Variants in FAT3 observed in about 807,000 individuals in gnomAD.
FAT3 encodes the protein protocadherin Fat 3.
FAT3 carries 95 observed loss-of-function variants against 310.2 expected under a neutral mutation model. The ratio of observed to expected loss-of-function variants is 0.31; its 90% CI spans 0.26 to 0.36. The LOEUF (loss-of-function observed/expected upper bound fraction) is 0.36, where lower values mean the gene tolerates loss of function less well. Ranked by LOEUF, FAT3 falls within the 10% of genes least tolerant of loss-of-function variation. FAT3 has a pLI of 1.00. For missense variants in FAT3, 5,408 were observed against 5,715.6 expected (o/e 0.95, Z 1.74); for synonymous variants, 2,314 against 2,192.9 (o/e 1.06, Z -1.54).
Position 92,355,326 on chromosome 11 carries a change from T to C in FAT3, c.3214T>C (p.Ser1072Pro), listed in dbSNP as rs1948701608. 1 of 1,613,716 alleles carries C rather than the reference T, an allele frequency of 6.2e-7. No homozygotes were observed. Among genetic ancestry groups the C allele is most frequent in the Non-Finnish European group, 8.5e-7 (1 of 1,179,818 alleles). The change falls in exon 2 of 28, where the codon TCC becomes CCC. Residue 1072 changes from serine (S) to proline (P), a missense_variant. By Grantham distance (74) the Ser-to-Pro change is moderately conservative (BLOSUM62 -1). This residue lies in a region of FAT3 where 4,588 missense variants were observed against 4,809.8 expected (regional missense o/e 0.95). Coordinates refer to ENST00000525166, the MANE Select transcript of FAT3 (RefSeq NM_001367949.2). ...VLQVTARDED[S>P]GRDGEIQYSI... ...GCAGGTGACTGCTCGAGATGAAGAC[T>C]CCGGAAGGGATGGAGAGATCCAGTA...
chr11:92,776,158 C>T (rs1946592827), intron 7 of FAT3, among the ~76,000 whole-genome samples: 1 of 152,122 alleles, frequency 6.6e-6, no homozygotes, highest in Non-Finnish European at 1.5e-5. Context: ...TATTCATTTC[C>T]AGACTTTTCT....
chr11:92,371,460 T>C (rs1422246559), intron 2 of FAT3, among the ~76,000 whole-genome samples: 1 of 152,210 alleles, frequency 6.6e-6, no homozygotes, highest in East Asian at 1.9e-4. Flanking sequence ...CTTATGCCTA[T>C]AATCCCAGCA....
At chr11:92,881,023 G>A (rs1250635975) in intron 23 of FAT3, 139 bp downstream of exon 23, 2 of 863,970 alleles carry the variant, frequency 2.3e-6, no homozygotes, top group Non-Finnish European at 3.5e-6. Context: ...CGTATAAGGA[G>A]TGCTTACAGG....
In FAT3 at chr11:92,352,400, A is replaced by G; in HGVS notation, c.288A>G (p.Glu96=). Residue 96 remains glutamate (E), a synonymous_variant, in exon 2 of 28, where the codon GAA becomes GAG. Transcript: ENST00000525166. ...GDEEGFFKAE[E]VIIADFCFLR... is the part of the protein sequence containing the mutation. ...AGGAAGGCTTTTTCAAAGCAGAGGA[A>G]GTCATCATTGCAGATTTCTGTTTTC... is the stretch of plus-strand genomic sequence containing the variant. 3 of 1,611,214 alleles carry G rather than the reference A, an allele frequency of 1.9e-6. No individual in the cohort carries two copies. Among genetic ancestry groups the G allele is most frequent in the South Asian group, 2.2e-5 (2 of 90,222 alleles).
At chr11:92,317,594 C>G (rs886949403) in intron 1 of FAT3, among the ~76,000 whole-genome samples, 4 of 152,182 alleles carry the variant, frequency 2.6e-5, no homozygotes, top group Admixed American at 2.0e-4. Context: ...TTGCAGGTAT[C>G]TATGGCTTTT....
intron 3 of FAT3, among the ~76,000 whole-genome samples, chr11:92,565,998 A>C (rs933007690): frequency 2.6e-5 from 4 of 152,172 alleles, no homozygotes; most frequent in African/African-American, 9.7e-5. Context: ...GCCCTCTCTC[A>C]CCACTCCTAT....
intron 2 of FAT3, among the ~76,000 whole-genome samples, chr11:92,417,461 A>G (rs189259005): frequency 7.9e-4 from 121 of 152,358 alleles, no homozygotes; most frequent in African/African-American, 2.8e-3. Flanking sequence ...TAAACCAATA[A>G]ATACAAAGTA....
chr11:92,456,989 G>A (rs1951509571), intron 2 of FAT3, among the ~76,000 whole-genome samples: 1 of 152,184 alleles, frequency 6.6e-6, no homozygotes, highest in Admixed American at 6.5e-5. Context: ...CACTTCTGGA[G>A]CAGGAGAGGA....
chr11:92,657,725 G>A (rs1296674050), intron 3 of FAT3, among the ~76,000 whole-genome samples: 1 of 152,198 alleles, frequency 6.6e-6, no homozygotes, highest in Non-Finnish European at 1.5e-5. Flanking sequence ...CCAGATTCAG[G>A]AAGACCTCAG....
chr11:92,718,734 A>T (rs1165121500), intron 4 of FAT3, among the ~76,000 whole-genome samples: 1 of 152,190 alleles, frequency 6.6e-6, no homozygotes, highest in East Asian at 1.9e-4. Context: ...AGTGTTTGGT[A>T]CATAGAAAGT....
chr11:92,830,292 C>T (rs933928824), intron 13 of FAT3, among the ~76,000 whole-genome samples: 2 of 152,164 alleles, frequency 1.3e-5, no homozygotes, highest in African/African-American at 4.8e-5. Flanking sequence ...GAAGTCAATC[C>T]AACCGTTATT....
intron 2 of FAT3, among the ~76,000 whole-genome samples, chr11:92,501,759 C>T (rs1952946669): frequency 6.6e-6 from 1 of 152,020 alleles, no homozygotes; most frequent in Admixed American, 6.6e-5. Flanking sequence ...GCCTTTGAAC[C>T]TGTACTTCAG....
At chr11:92,442,227 C>T (rs1393790499) in intron 2 of FAT3, among the ~76,000 whole-genome samples, 2 of 145,288 alleles carry the variant, frequency 1.4e-5, no homozygotes, top group African/African-American at 2.5e-5. Context: ...CATTTCCCTG[C>T]CTCAGCCTCC....
chr11:92,573,082 G>A (rs779102322), intron 3 of FAT3, among the ~76,000 whole-genome samples: 4 of 152,098 alleles, frequency 2.6e-5, no homozygotes, highest in Non-Finnish European at 5.9e-5. Flanking sequence ...AACTTCAACT[G>A]TGTTAATTTA....
intron 1 of FAT3, among the ~76,000 whole-genome samples, chr11:92,341,032 C>T (rs1274496747): frequency 6.6e-6 from 1 of 152,136 alleles, no homozygotes; most frequent in Non-Finnish European, 1.5e-5. Flanking sequence ...CTCAGGCCAA[C>T]TCTGAAGGGC....
At chr11:92,869,552 C>A (rs1189555083) in intron 22 of FAT3, among the ~76,000 whole-genome samples, 1 of 152,186 alleles carries the variant, frequency 6.6e-6, no homozygotes, top group East Asian at 1.9e-4. Flanking sequence ...AAAGAGAACC[C>A]ATTTTCTTGC....
intron 3 of FAT3, among the ~76,000 whole-genome samples, chr11:92,646,642 A>G (rs1942178975): frequency 6.6e-6 from 1 of 152,226 alleles, no homozygotes; most frequent in Non-Finnish European, 1.5e-5. Flanking sequence ...AAGAAAATCA[A>G]CATGAGGAAG....
chr11:92,663,695 G>A (rs551741873), intron 3 of FAT3, among the ~76,000 whole-genome samples: 5 of 152,004 alleles, frequency 3.3e-5, no homozygotes, highest in South Asian at 2.1e-4. Context: ...CACACTTGTC[G>A]TCATATCTGA....
intron 3 of FAT3, among the ~76,000 whole-genome samples, chr11:92,604,445 T>C (rs1472046271): frequency 6.6e-6 from 1 of 152,192 alleles, no homozygotes; most frequent in Non-Finnish European, 1.5e-5. Context: ...CTGCAGGTGA[T>C]TAGTTGATAA....
Sources: gnomAD v4.1 joint callset for allele counts (sites outside exome capture counted in the v4.1 genomes callset) on GRCh38, gnomAD v4.1.1 for gene constraint, gnomAD v4.1.1 regional missense constraint, MANE v1.5 for transcripts, NCBI Gene and HGNC (gene_info 2026-07-23, HGNC 2026-07-21) for gene names.